The following REEP1 variants were observed in gnomAD, a reference collection of about 807,000 sequenced individuals.
REEP1 encodes receptor accessory protein 1.
REEP1 carries 22 observed loss-of-function variants against 40.3 expected under a neutral mutation model. The observed-to-expected ratio is 0.55, with a 90% confidence interval of 0.39 to 0.78. REEP1 has a LOEUF of 0.78. Among genes scored for constraint, REEP1 ranks in the 30% least tolerant of loss-of-function variants. REEP1 has a pLI of 0.00. For synonymous variants in REEP1, 116 were observed against 139.2 expected (o/e 0.83, Z 1.17); for missense variants, 280 against 361.1 (o/e 0.78, Z 1.82).
chr2:86,231,510 G>A (rs1433564455), intron 6 of REEP1, among the ~76,000 whole-genome samples: 4 of 152,186 alleles, frequency 2.6e-5, no homozygotes, highest in African/African-American at 9.7e-5. Context: ...TAAGACCCCC[G>A]GGCATCAGAT....
chr2:86,250,145 A>G (rs1676189909), intron 5 of REEP1, among the ~76,000 whole-genome samples: 1 of 152,184 alleles, frequency 6.6e-6, no homozygotes, highest in Admixed American at 6.5e-5. Context: ...AAGACTCTGG[A>G]GGCTCCATCT....
chr2:86,311,716 T>C (rs929481882), intron 1 of REEP1, among the ~76,000 whole-genome samples: 3 of 152,210 alleles, frequency 2.0e-5, no homozygotes, highest in African/African-American at 7.2e-5. Context: ...AAAGACTCTA[T>C]TTCCAAATAA....
rs1182445439 is a variant in REEP1, at chr2:86,337,619, G to T, written c.-109C>A. 1.8e-6 allele frequency: 2 copies of T among 1,112,738 alleles called. No homozygotes were observed. The highest frequency in any genetic ancestry group is 2.2e-6 in the Non-Finnish European group (2 of 912,094). 68.9% of individuals were successfully genotyped at this position (1,112,738 alleles called of 1,614,324 possible). A position where few individuals can be genotyped will look rare whatever the true frequency, so the allele number is the denominator to read the frequency against. ...CGTCAGTCAGCTCACGGCAGCCGCC[G>T]CCAGACTGAGCGCGCCCGCCGCCCT... On this transcript the variant is annotated 5_prime_UTR_variant, in exon 1 of 9. Coordinates refer to ENST00000538924, the MANE Select transcript of REEP1 (RefSeq NM_001371279.1). The surrounding 1 kb of genome is among the most constrained non-coding windows in gnomAD (Gnocchi z 5.8).
At chr2:86,296,630 G>A (rs1005490408) in intron 1 of REEP1, among the ~76,000 whole-genome samples, 12 of 152,220 alleles carry the variant, frequency 7.9e-5, no homozygotes, top group African/African-American at 2.9e-4. Flanking sequence ...GCTGAGGCAG[G>A]CGGATCACCT....
chr2:86,247,887 T>C (rs1304439003), intron 5 of REEP1, among the ~76,000 whole-genome samples: 1 of 152,130 alleles, frequency 6.6e-6, no homozygotes, highest in African/African-American at 2.4e-5. Context: ...TCTATTTATA[T>C]AATAATGTGG....
At chr2:86,258,248 G>A (rs989049233) in intron 3 of REEP1, among the ~76,000 whole-genome samples, 5 of 152,172 alleles carry the variant, frequency 3.3e-5, no homozygotes, top group African/African-American at 1.2e-4. Context: ...ATGGATCCAG[G>A]GGTCCCAATA....
At chr2:86,317,392 G>A (rs985140633) in intron 1 of REEP1, among the ~76,000 whole-genome samples, 1 of 152,182 alleles carries the variant, frequency 6.6e-6, no homozygotes, top group Admixed American at 6.5e-5. Flanking sequence ...TTACTGTACA[G>A]AACAGTGAGT....
intron 1 of REEP1, among the ~76,000 whole-genome samples, chr2:86,288,681 C>T (rs1239856077): frequency 6.6e-6 from 1 of 152,160 alleles, no homozygotes; most frequent in Non-Finnish European, 1.5e-5. Flanking sequence ...CCAGATAATG[C>T]AAAACCACTT....
intron 7 of REEP1, among the ~76,000 whole-genome samples, chr2:86,227,084 G>A (rs1455654102): frequency 1.3e-5 from 2 of 152,176 alleles, no homozygotes; most frequent in Non-Finnish European, 2.9e-5. Flanking sequence ...GGACCCTCCA[G>A]TTTCGTCAAG....
chr2:86,275,534 C>T (rs983981426), intron 2 of REEP1, among the ~76,000 whole-genome samples: 1 of 152,172 alleles, frequency 6.6e-6, no homozygotes, highest in African/African-American at 2.4e-5. Flanking sequence ...ACCATAACCA[C>T]CCCAGAGCCA....
chr2:86,317,944 C>G (rs917036503), intron 1 of REEP1, among the ~76,000 whole-genome samples: 3 of 151,990 alleles, frequency 2.0e-5, no homozygotes, highest in Non-Finnish European at 4.4e-5. Flanking sequence ...ATCTTGTAAT[C>G]CTTTTCTAGA....
At chr2:86,336,510 C>G (rs985224966) in intron 1 of REEP1, among the ~76,000 whole-genome samples, 1 of 152,180 alleles carries the variant, frequency 6.6e-6, no homozygotes, top group African/African-American at 2.4e-5. Context: ...CTCCCCACAC[C>G]CATTTCAGCC....
intron 5 of REEP1, among the ~76,000 whole-genome samples, chr2:86,245,764 A>ATTT (rs869240092): frequency 2.2e-5 from 3 of 133,920 alleles, no homozygotes; most frequent in Non-Finnish European, 3.2e-5. Context: ...CATATACTCA[A>ATTT]TTTTTTTTTT....
chr2:86,271,077 A>T lies in REEP1; in HGVS notation c.106-7036T>A, dbSNP rs538111226. 3.3e-5 allele frequency among the ~76,000 whole-genome samples: 5 copies of T among 152,250 alleles called. 1 individual carries two copies. In the South Asian group the frequency reaches 1.0e-3, roughly 32 times the overall value. On this transcript the variant is annotated intron_variant, in intron 2 of 8. Transcript: ENST00000538924. Reference sequence around the variant, plus strand: ...CATGGTGGTGAGTGCCTGTAGTCCCAGTTACTTGGGAGGCTGAGGCACAAG... The same window carrying T: ...CATGGTGGTGAGTGCCTGTAGTCCCTGTTACTTGGGAGGCTGAGGCACAAG...
intron 4 of REEP1, among the ~76,000 whole-genome samples, chr2:86,254,269 G>C (rs1378308791): frequency 2.0e-5 from 3 of 152,078 alleles, no homozygotes; most frequent in African/African-American, 4.8e-5. Flanking sequence ...GGGCTCAAGT[G>C]ATTCTCCCAC....
At chr2:86,277,289 C>G (rs1232962574) in intron 2 of REEP1, among the ~76,000 whole-genome samples, 5 of 152,100 alleles carry the variant, frequency 3.3e-5, no homozygotes, top group Non-Finnish European at 7.4e-5. Flanking sequence ...GGCGTGGTGG[C>G]TCACACCTGT....
intron 3 of REEP1, among the ~76,000 whole-genome samples, chr2:86,261,710 G>A (rs569360780): frequency 6.6e-6 from 1 of 152,274 alleles, no homozygotes; most frequent in South Asian, 2.1e-4. Flanking sequence ...CCCCCAGCCC[G>A]ACACCTGTAA....
intron 1 of REEP1, among the ~76,000 whole-genome samples, chr2:86,294,862 G>A (rs1678900094): frequency 6.6e-6 from 1 of 152,132 alleles, no homozygotes. Flanking sequence ...AGGCCACTGG[G>A]TTTGTCTGGC....
intron 7 of REEP1, among the ~76,000 whole-genome samples, chr2:86,226,270 C>T (rs1324082015): frequency 6.6e-6 from 1 of 152,138 alleles, no homozygotes; most frequent in Non-Finnish European, 1.5e-5. Context: ...AACTGAAGCT[C>T]ACAGCGGTTA....
Sources: allele counts gnomAD v4.1 joint callset (sites outside exome capture counted in the v4.1 genomes callset), GRCh38; gene constraint gnomAD v4.1.1; non-coding constraint Gnocchi (gnomAD v3.1); transcripts MANE v1.5; gene names NCBI Gene and HGNC (gene_info 2026-07-23, HGNC 2026-07-21).